The following CSMD2 variants were observed in gnomAD, a reference collection of about 807,000 sequenced individuals.
The protein encoded by CSMD2 is CUB and sushi domain-containing protein 2.
Under a neutral mutation model 398.5 loss-of-function variants are expected in CSMD2, and 130 were observed. The observed-to-expected ratio is 0.33, with a 90% CI of 0.28 to 0.38. The LOEUF (loss-of-function observed/expected upper bound fraction) is 0.38. Ranked by LOEUF, CSMD2 falls within the 10% of genes least tolerant of loss-of-function variation. CSMD2 has a pLI of 1.00. For missense variants in CSMD2, 3,829 were observed against 4,764.9 expected (o/e 0.80, Z 5.78); for synonymous variants, 1,828 against 1,908.5 (o/e 0.96, Z 1.10).
intron 27 of CSMD2, among the ~76,000 whole-genome samples, chr1:33,653,821 A>G (rs536098898): frequency 1.3e-5 from 2 of 152,326 alleles, no homozygotes; most frequent in South Asian, 4.1e-4. Context: ...GGTTGTCAAC[A>G]CTGAGCCCAC....
intron 4 of CSMD2, among the ~76,000 whole-genome samples, chr1:33,933,743 A>C (rs1213851997): frequency 1.3e-5 from 2 of 152,186 alleles, no homozygotes; most frequent in Non-Finnish European, 2.9e-5. Context: ...CCTGAAGTCC[A>C]TCATGGAAAG....
chr1:33,950,353 C>A (rs1225864176), intron 3 of CSMD2, among the ~76,000 whole-genome samples: 1 of 147,646 alleles, frequency 6.8e-6, no homozygotes, highest in Non-Finnish European at 1.5e-5. Context: ...AATGTTCCAG[C>A]AACAATGGCT....
chr1:33,685,117 C>T (rs1351604104), intron 25 of CSMD2, among the ~76,000 whole-genome samples: 1 of 152,204 alleles, frequency 6.6e-6, no homozygotes, highest in Non-Finnish European at 1.5e-5. Context: ...GCTCCGTGCC[C>T]TTTCCTCTTC....
chr1:34,017,864 T>C (rs1455356839), intron 3 of CSMD2, among the ~76,000 whole-genome samples: 1 of 152,244 alleles, frequency 6.6e-6, no homozygotes, highest in Admixed American at 6.5e-5. Flanking sequence ...AATAGAGCCA[T>C]GTGACATTTG....
intron 5 of CSMD2, among the ~76,000 whole-genome samples, chr1:33,865,387 G>A (rs1280563525): frequency 7.1e-6 from 1 of 140,100 alleles, no homozygotes; most frequent in East Asian, 2.2e-4. Context: ...GGAGGCAAGG[G>A]GCAGATTTTA....
At chr1:33,617,122 G>T in intron 38 of CSMD2, 147 bp from the exon 39 acceptor site, 1 of 633,030 alleles carries the variant, frequency 1.6e-6, no homozygotes, top group Non-Finnish European at 2.8e-6. Context: ...TGGGATGGGA[G>T]TGAGGTAGAG....
At chr1:33,872,210 G>T (rs1570350785) in intron 5 of CSMD2, among the ~76,000 whole-genome samples, 1 of 152,276 alleles carries the variant, frequency 6.6e-6, no homozygotes, top group East Asian at 1.9e-4. Context: ...TAGCTATGGA[G>T]ATGTCCAAGC....
chr1:34,147,987 C>T (rs1639940381), intron 1 of CSMD2, among the ~76,000 whole-genome samples: 1 of 151,832 alleles, frequency 6.6e-6, no homozygotes, highest in Admixed American at 6.6e-5. Flanking sequence ...AAGCCAGAGG[C>T]AGGACACTCT....
At chr1:33,965,543 G>A (rs1394211299) in intron 3 of CSMD2, among the ~76,000 whole-genome samples, 1 of 152,160 alleles carries the variant, frequency 6.6e-6, no homozygotes, top group Non-Finnish European at 1.5e-5. Flanking sequence ...GTGCTATCAG[G>A]AAGTGCTCCA....
intron 12 of CSMD2, among the ~76,000 whole-genome samples, chr1:33,773,871 C>T (rs556396483): frequency 5.9e-5 from 9 of 152,164 alleles, no homozygotes; most frequent in South Asian, 4.2e-4. Flanking sequence ...CCTGCCTGTT[C>T]GGTAGACACC....
At chr1:33,697,145 A>C (rs1389335592) in intron 24 of CSMD2, among the ~76,000 whole-genome samples, 4 of 152,204 alleles carry the variant, frequency 2.6e-5, no homozygotes, top group Non-Finnish European at 4.4e-5. Flanking sequence ...GTAATCTTAC[A>C]GTGAATCTTT....
chr1:33,815,624 C>T (rs1657371054), intron 9 of CSMD2, among the ~76,000 whole-genome samples: 1 of 152,226 alleles, frequency 6.6e-6, no homozygotes, highest in Non-Finnish European at 1.5e-5. Context: ...TTCAACTCAA[C>T]AGATGTAGCT....
chr1:33,533,697 G>T lies in CSMD2; in HGVS notation c.9991+99C>A. On this transcript the variant is annotated intron_variant, in intron 63 of 70. Transcript: ENST00000373381. This position sits in a 1 kb window ranked among gnomAD's most constrained non-coding sequence, Gnocchi z 4.2. ...AGACCGATGTCGGTTCGCATGGGGAGTTGTGAACTCCCTGTCATTCAGAGC... is the reference window on the plus strand; with the variant it reads ...AGACCGATGTCGGTTCGCATGGGGATTTGTGAACTCCCTGTCATTCAGAGC... 2.6e-6 allele frequency: 2 copies of T among 765,068 alleles called. No individual in the cohort carries two copies. The highest frequency in any genetic ancestry group is 4.5e-6 in the Non-Finnish European group (2 of 440,348). 47.4% of individuals were successfully genotyped at this position (765,068 alleles called of 1,614,324 possible).
intron 12 of CSMD2, among the ~76,000 whole-genome samples, chr1:33,777,932 T>C (rs903777042): frequency 1.3e-5 from 2 of 152,186 alleles, no homozygotes; most frequent in African/African-American, 4.8e-5. Context: ...CACTGAATAT[T>C]TGATGTGCTC....
chr1:34,153,527 C>G (rs1315709806), intron 1 of CSMD2, among the ~76,000 whole-genome samples: 1 of 152,240 alleles, frequency 6.6e-6, no homozygotes, highest in African/African-American at 2.4e-5. Context: ...GTAGCTGCCT[C>G]TCTTATGTAC....
intron 3 of CSMD2, among the ~76,000 whole-genome samples, chr1:33,941,744 G>A (rs148888878): frequency 1.6e-3 from 239 of 152,108 alleles, no homozygotes; most frequent in African/African-American, 4.7e-3. Flanking sequence ...TTAATGTCAA[G>A]TGCTTTTCAT....
In CSMD2 at chr1:33,837,236, T is replaced by C. The variant is rs189441624; in HGVS notation, c.1033+9648A>G. Among the ~76,000 whole-genome samples, 157 of 152,142 alleles carry C rather than the reference T, an allele frequency of 1.0e-3. 1 individual carries two copies. Among genetic ancestry groups the C allele is most frequent in the African/African-American group, 3.6e-3 (150 of 41,470 alleles). ...ACTCAACAGACTGGGACAGACCAGG[T>C]TGTGAGAGTCAGAGAACAAAGGCAG... On this transcript the variant is annotated intron_variant, in intron 6 of 70. Transcript: ENST00000373381.
At chr1:33,729,171 A>G (rs1276100788) in intron 15 of CSMD2, among the ~76,000 whole-genome samples, 1 of 152,216 alleles carries the variant, frequency 6.6e-6, no homozygotes, top group East Asian at 1.9e-4. Flanking sequence ...CAGATCATGC[A>G]GTCTCCATTG....
chr1:34,163,183 C>T lies in CSMD2; in HGVS notation c.187+1728G>A, dbSNP rs1641517479. On this transcript the variant is annotated intron_variant, in intron 1 of 70. Transcript: ENST00000373381. This position sits in a 1 kb window ranked among gnomAD's most constrained non-coding sequence, Gnocchi z 5.4. ...TTCTCCAATCAGCTAAGCCAGAGAC[C>T]GGCCTCGCCTCAACGTACGTCCGGG... is the stretch of plus-strand genomic sequence containing the variant. Among the ~76,000 whole-genome samples, 1 of 152,266 alleles carries T rather than the reference C, an allele frequency of 6.6e-6. No homozygotes were observed.
Sources: allele counts gnomAD v4.1 joint callset (sites outside exome capture counted in the v4.1 genomes callset), GRCh38; gene constraint gnomAD v4.1.1; non-coding constraint Gnocchi (gnomAD v3.1); transcripts MANE v1.5; gene names NCBI Gene and HGNC (gene_info 2026-07-23, HGNC 2026-07-21).